Variants in CUEDC1 observed in about 807,000 individuals in gnomAD.
The protein encoded by CUEDC1 is CUE domain containing 1, also known as CUE domain-containing protein 1.
In CUEDC1, 30 loss-of-function variants were observed where a neutral mutation model predicts 43.7. That is an observed-to-expected ratio of 0.69 (90% CI 0.51 to 0.93). The LOEUF (loss-of-function observed/expected upper bound fraction) is 0.93. Ranked by LOEUF, CUEDC1 falls within the 40% of genes least tolerant of loss-of-function variation. The pLI, the probability that CUEDC1 is intolerant of heterozygous loss-of-function variation, is 0.00. For synonymous variants in CUEDC1, 223 were observed against 223.6 expected, an observed-to-expected ratio of 1.00 and a Z score of 0.02; for missense variants, 486 against 549.0, an observed-to-expected ratio of 0.89 and a Z score of 1.15.
chr17:57,902,997 T>A (rs1303352365), intron 1 of CUEDC1: 1 of 152,144 alleles, frequency 6.6e-6, no homozygotes, highest in Non-Finnish European at 1.5e-5. Flanking sequence ...ATAATGAATC[T>A]CTGCACCTCT....
At chr17:57,867,934 G>A (rs2144913262) in intron 8 of CUEDC1, among the ~76,000 whole-genome samples, 2 of 152,346 alleles carry the variant, frequency 1.3e-5, no homozygotes, top group Admixed American at 1.3e-4. Context: ...GACAGGAGCT[G>A]CTGCCCTGCT....
intron 1 of CUEDC1, among the ~76,000 whole-genome samples, chr17:57,937,926 A>T (rs142586033): frequency 1.3e-5 from 2 of 152,272 alleles, no homozygotes; most frequent in East Asian, 1.9e-4. Flanking sequence ...TAAAAAATAA[A>T]TCTAAAATTC....
rs192143912 is a variant in CUEDC1, at chr17:57,950,084, T to A, written c.-316+5141A>T. Reference sequence around the variant, plus strand: ...AAGTACTTGGAAAGGGTCCGACCCCTCTGTGAGTGCTGCAATGATTATTTC... The same window carrying A: ...AAGTACTTGGAAAGGGTCCGACCCCACTGTGAGTGCTGCAATGATTATTTC... On this transcript the variant is annotated intron_variant, in intron 1 of 10. Coordinates refer to ENST00000577830, the MANE Select transcript of CUEDC1 (RefSeq NM_001271875.2). Among the ~76,000 whole-genome samples the A allele has an allele frequency of 1.8e-3, 270 of 152,340 alleles. 2 individuals carry two copies. The highest frequency in any genetic ancestry group is 6.0e-3 in the African/African-American group (248 of 41,578).
At chr17:57,900,228 C>A (rs2074457172) in intron 1 of CUEDC1, among the ~76,000 whole-genome samples, 1 of 152,200 alleles carries the variant, frequency 6.6e-6, no homozygotes, top group Non-Finnish European at 1.5e-5. Context: ...TCAATCTCTA[C>A]TTCTAGAAAA....
At chr17:57,874,920 C>G (rs1337223037) in intron 3 of CUEDC1, among the ~76,000 whole-genome samples, 1 of 152,188 alleles carries the variant, frequency 6.6e-6, no homozygotes, top group South Asian at 2.1e-4. Flanking sequence ...TGCTAAGTGC[C>G]TGGTGGGAGC....
rs1232871392 is a variant in CUEDC1 at position 57,930,025 on chromosome 17, A to G, written c.-316+25200T>C. On this transcript the variant is annotated intron_variant, in intron 1 of 10. Transcript: ENST00000577830. This position sits in a 1 kb window ranked among gnomAD's most constrained non-coding sequence, Gnocchi z 4.2. ...ACCATGTTTGTCGGGCTGGTATCGAACTCCTGCCCTCAGGTGATCCACCCG... is the reference window on the plus strand; with the variant it reads ...ACCATGTTTGTCGGGCTGGTATCGAGCTCCTGCCCTCAGGTGATCCACCCG... 6.6e-6 allele frequency among the ~76,000 whole-genome samples: 1 copy of G among 151,532 alleles called. No individual in the cohort carries two copies. Among genetic ancestry groups the G allele is most frequent in the Admixed American group, 6.6e-5 (1 of 15,208 alleles).
chr17:57,920,632 C>CTTTTCTTTTCT (rs1184828294), intron 1 of CUEDC1, among the ~76,000 whole-genome samples: 68 of 115,188 alleles, frequency 5.9e-4, no homozygotes, highest in African/African-American at 1.8e-3. Flanking sequence ...TTTTTCTTTT[C>CTTTTCTTTTCT]TTTTTTTTTT....
chr17:57,880,662 T>A (rs183885247), intron 2 of CUEDC1, among the ~76,000 whole-genome samples: 3 of 152,298 alleles, frequency 2.0e-5, no homozygotes, highest in African/African-American at 7.2e-5. Flanking sequence ...AACACATGGC[T>A]ACCTCTGACC....
chr17:57,950,483 T>A lies in CUEDC1; in HGVS notation c.-316+4742A>T, dbSNP rs1338824513. 2.6e-5 allele frequency among the ~76,000 whole-genome samples: 4 copies of A among 150,964 alleles called. 1 individual carries two copies. Among genetic ancestry groups the A allele is most frequent in the African/African-American group, 9.7e-5 (4 of 41,242 alleles). On this transcript the variant is annotated intron_variant, in intron 1 of 10. Coordinates refer to ENST00000577830, the MANE Select transcript of CUEDC1 (RefSeq NM_001271875.2). ...TTTATTTTTTTATTTATTTATTTTT[T>A]TTTTTTTGAGACAGAGTCTCGCTCT... is the stretch of plus-strand genomic sequence containing the variant.
intron 1 of CUEDC1, among the ~76,000 whole-genome samples, chr17:57,917,171 G>C (rs768489189): frequency 6.6e-6 from 1 of 152,222 alleles, no homozygotes; most frequent in Non-Finnish European, 1.5e-5. Flanking sequence ...GGGCACACAG[G>C]TGCTCTCAAA....
intron 1 of CUEDC1, among the ~76,000 whole-genome samples, chr17:57,893,397 G>C (rs1485572598): frequency 1.3e-5 from 2 of 151,688 alleles, no homozygotes; most frequent in Admixed American, 6.6e-5. Context: ...TGACAGAGAC[G>C]CCTTGTCCTC....
chr17:57,887,570 C>T (rs1488991622), intron 1 of CUEDC1, among the ~76,000 whole-genome samples: 2 of 149,222 alleles, frequency 1.3e-5, no homozygotes, highest in African/African-American at 2.5e-5. Flanking sequence ...TGGTTCACTG[C>T]AACCTCTGCC....
At chr17:57,945,062 G>A (rs76653604) in intron 1 of CUEDC1, among the ~76,000 whole-genome samples, 6,094 of 152,200 alleles carry the variant, frequency 0.04, 131 homozygotes, top group African/African-American at 0.06. Context: ...AGGTCAGTAC[G>A]GATCATTTGG....
chr17:57,888,582 C>G (rs1412163195), intron 1 of CUEDC1, among the ~76,000 whole-genome samples: 2 of 152,180 alleles, frequency 1.3e-5, no homozygotes. Context: ...CTTTAGACAC[C>G]CCAACACCCC....
chr17:57,892,054 G>C (rs1459528485), intron 1 of CUEDC1, among the ~76,000 whole-genome samples: 1 of 152,210 alleles, frequency 6.6e-6, no homozygotes, highest in Non-Finnish European at 1.5e-5. Context: ...GGGAAGGAAA[G>C]ATGGAGGAGT....
intron 1 of CUEDC1, among the ~76,000 whole-genome samples, chr17:57,926,171 G>C (rs2143132404): frequency 6.6e-6 from 1 of 152,338 alleles, no homozygotes; most frequent in Non-Finnish European, 1.5e-5. Context: ...GCAGAGTCAA[G>C]TGCAGAGGTG....
rs2073904534 is a variant in CUEDC1 at position 57,863,070 on chromosome 17, G to A, written c.*219C>T. The A allele has an allele frequency of 6.6e-6, 1 of 152,638 alleles. No individual in the cohort carries two copies. Among genetic ancestry groups the A allele is most frequent in the South Asian group, 2.1e-4 (1 of 4,838 alleles). The allele number at this position is 152,638 out of a possible 1,614,324, so 9.5% of individuals were successfully genotyped here. A position where few individuals can be genotyped will look rare whatever the true frequency, so the allele number is the denominator to read the frequency against. On this transcript the variant is annotated 3_prime_UTR_variant, in exon 11 of 11. Transcript: ENST00000577830. ...TTGGCTGCTGCCTATAGGGGCCCCA[G>A]GTCCTTCCTCCAATTGCAAGGCAGC...
chr17:57,881,913 G>A (rs530257372), intron 2 of CUEDC1, among the ~76,000 whole-genome samples: 1 of 152,282 alleles, frequency 6.6e-6, no homozygotes, highest in South Asian at 2.1e-4. Context: ...CAGAATGCAG[G>A]GCCCGAGTCC....
At chr17:57,949,632 G>A (rs1056980482) in intron 1 of CUEDC1, among the ~76,000 whole-genome samples, 2 of 146,292 alleles carry the variant, frequency 1.4e-5, no homozygotes, top group East Asian at 2.0e-4. Flanking sequence ...GAGTGCAGTG[G>A]TGCAATTTCA....
Sources: allele counts gnomAD v4.1 joint callset (sites outside exome capture counted in the v4.1 genomes callset), GRCh38; gene constraint gnomAD v4.1.1; non-coding constraint Gnocchi (gnomAD v3.1); transcripts MANE v1.5; gene names NCBI Gene and HGNC (gene_info 2026-07-23, HGNC 2026-07-21).